ZNF793: variants seen among roughly 807,000 people sequenced by gnomAD.
The protein encoded by ZNF793 is zinc finger protein 793.
A neutral mutation model predicts 12.4 loss-of-function variants in ZNF793; 5 were observed. The observed-to-expected ratio is 0.40, with a 90% CI of 0.21 to 0.84. ZNF793 has a LOEUF of 0.84. Ranked by LOEUF, ZNF793 falls within the 40% of genes least tolerant of loss-of-function variation. The probability of loss-of-function intolerance (pLI) is 0.35; values close to 1 mark genes in which losing one functional copy is unlikely to be tolerated. For missense variants in ZNF793, 456 were observed against 495.0 expected, an observed-to-expected ratio of 0.92 and a Z score of 0.75; for synonymous variants, 162 against 172.4, an observed-to-expected ratio of 0.94 and a Z score of 0.47.
intron 2 of ZNF793, among the ~76,000 whole-genome samples, chr19:37,514,164 A>G (rs1158941822): frequency 6.6e-6 from 1 of 151,354 alleles, no homozygotes; most frequent in African/African-American, 2.5e-5. Flanking sequence ...GTGGCATGCA[A>G]AAGATTTTTT....
intron 2 of ZNF793, among the ~76,000 whole-genome samples, chr19:37,514,205 G>C (rs1214539800): frequency 6.6e-6 from 1 of 152,068 alleles, no homozygotes; most frequent in African/African-American, 2.4e-5. Context: ...TCCTTAAGAA[G>C]AGAAAATGAA....
At chr19:37,532,510 G>A in intron 6 of ZNF793, 28 bp downstream of exon 6, 1 of 1,539,552 alleles carries the variant, frequency 6.5e-7, no homozygotes. Flanking sequence ...ATACAATGCA[G>A]ATTATGTTCG....
intron 3 of ZNF793, among the ~76,000 whole-genome samples, chr19:37,521,058 G>C (rs2042371265): frequency 6.6e-6 from 1 of 150,658 alleles, no homozygotes; most frequent in African/African-American, 2.4e-5. Context: ...CACATTCTCG[G>C]CTCACTGCAA....
chr19:37,539,053 G>T lies in ZNF793; in HGVS notation c.*1174G>T, dbSNP rs1465136999. 4 of 152,174 alleles carry T rather than the reference G, an allele frequency of 2.6e-5. No individual in the cohort carries two copies. Among genetic ancestry groups the T allele is most frequent in the Admixed American group, 2.6e-4 (4 of 15,284 alleles). 9.4% of individuals were successfully genotyped at this position (152,174 alleles called of 1,614,324 possible). On this transcript the variant is annotated 3_prime_UTR_variant, in exon 8 of 8. Coordinates refer to ENST00000627814, the MANE Select transcript of ZNF793 (RefSeq NM_001013659.3). ...ATACATGTAAATGGCTATAGAGGTT[G>T]TTACTGTCCTCTGCAGAAATAATAA...
chr19:37,529,950 C>G (rs924020492), intron 5 of ZNF793, among the ~76,000 whole-genome samples: 2 of 151,484 alleles, frequency 1.3e-5, no homozygotes, highest in Non-Finnish European at 2.9e-5. Flanking sequence ...GAGGATCCCG[C>G]CAGCCTCTGA....
At position 37,537,338 on chromosome 19, in the gene ZNF793, A is replaced by C. The variant is rs2042514586; in HGVS notation, c.680A>C (p.His227Pro). Residue 227 changes from histidine to proline, a missense_variant, in exon 8 of 8, where the codon CAC becomes CCC. Coordinates refer to ENST00000627814, the MANE Select transcript of ZNF793 (RefSeq NM_001013659.3). ...RKRVPPTEKP[H>P]VCSECGKAFC... Reference sequence around the variant, plus strand: ...AGGGTTCCACCTACAGAAAAACCCCACGTCTGTAGTGAGTGTGGGAAAGCC... The same window carrying C: ...AGGGTTCCACCTACAGAAAAACCCCCCGTCTGTAGTGAGTGTGGGAAAGCC... 1 of 1,613,468 alleles carries C rather than the reference A, an allele frequency of 6.2e-7. No individual in the cohort carries two copies. The highest frequency in any genetic ancestry group is 8.5e-7 in the Non-Finnish European group (1 of 1,179,670).
intron 5 of ZNF793, among the ~76,000 whole-genome samples, chr19:37,531,768 C>G (rs1186180583): frequency 6.6e-6 from 1 of 152,176 alleles, no homozygotes; most frequent in Non-Finnish European, 1.5e-5. Context: ...ACATGTTGCT[C>G]TCTCTGTGCC....
intron 2 of ZNF793, among the ~76,000 whole-genome samples, chr19:37,517,189 A>G (rs888657532): frequency 3.3e-5 from 5 of 152,310 alleles, no homozygotes; most frequent in East Asian, 1.9e-4. Context: ...AAATTACTAG[A>G]CTAATTTTAC....
chr19:37,537,903 T>G lies in ZNF793; in HGVS notation c.*24T>G, dbSNP rs1395108956. 6 of 1,480,294 alleles carry G rather than the reference T, an allele frequency of 4.1e-6. No homozygotes were observed. The South Asian group carries it at 8.4e-5, about 21-fold the overall frequency. 91.7% of individuals were successfully genotyped at this position (1,480,294 alleles called of 1,614,324 possible). ...GAGCAAAATATCTGGTTTCATGGTA[T>G]GTAGGGAATTTTTTTTTTTTTTTTT... On this transcript the variant is annotated 3_prime_UTR_variant, in exon 8 of 8. Coordinates refer to ENST00000627814, the MANE Select transcript of ZNF793 (RefSeq NM_001013659.3).
At position 37,536,542 on chromosome 19, in the gene ZNF793, C is replaced by T. The variant is rs140531063; in HGVS notation, c.239-355C>T. ...TTATTAGAACACAACCACATTCTTA[C>T]GTTTACATGTTGTCTATATTTTCAT... On this transcript the variant is annotated intron_variant, in intron 7 of 7. Transcript: ENST00000627814. 3.4e-3 allele frequency: 1,373 copies of T among 409,266 alleles called. 2 individuals carry two copies. Among genetic ancestry groups the T allele is most frequent in the Non-Finnish European group, 4.8e-3 (1,116 of 232,534 alleles). 25.4% of individuals were successfully genotyped at this position (409,266 alleles called of 1,614,324 possible).
In ZNF793 at chr19:37,540,993, C is replaced by T. The variant is rs932354518; in HGVS notation, c.*3114C>T. 6.6e-6 allele frequency: 1 copy of T among 151,378 alleles called. No individual in the cohort carries two copies. The highest frequency in any genetic ancestry group is 1.5e-5 in the Non-Finnish European group (1 of 67,880). The allele number at this position is 151,378 out of a possible 1,614,324, so 9.4% of individuals were successfully genotyped here. On this transcript the variant is annotated 3_prime_UTR_variant, in exon 8 of 8. Transcript: ENST00000627814. ...TAATAATTAAAAATTTTTAAAATGC[C>T]ATGCTAGATACCAGAAGATAACATG...
At chr19:37,513,231 T>C (rs2042306870) in intron 2 of ZNF793, among the ~76,000 whole-genome samples, 1 of 152,204 alleles carries the variant, frequency 6.6e-6, no homozygotes, top group African/African-American at 2.4e-5. Context: ...TTTGAGATCA[T>C]GTAATTAACC....
At chr19:37,524,488 G>A (rs1262315424) in intron 5 of ZNF793, among the ~76,000 whole-genome samples, 1 of 152,158 alleles carries the variant, frequency 6.6e-6, no homozygotes, top group Non-Finnish European at 1.5e-5. Context: ...GTACAAAGTG[G>A]AGAGTCCAAG....
At chr19:37,529,288 T>C (rs60421942) in intron 5 of ZNF793, among the ~76,000 whole-genome samples, 401 of 152,274 alleles carry the variant, frequency 2.6e-3, no homozygotes, top group African/African-American at 9.4e-3. Flanking sequence ...CAGCGTTCCA[T>C]CTTTCTCTAA....
chr19:37,519,798 T>A (rs950575945), intron 2 of ZNF793, among the ~76,000 whole-genome samples: 3 of 152,202 alleles, frequency 2.0e-5, no homozygotes, highest in African/African-American at 7.2e-5. Context: ...ACAGATAGAC[T>A]AAGTAACTCA....
At chr19:37,533,888 T>G (rs2042482267) in intron 7 of ZNF793, 2 of 220,270 alleles carry the variant, frequency 9.1e-6, no homozygotes, top group Non-Finnish European at 1.8e-5. Context: ...CCACTGCTGA[T>G]TAACCCTCAG....
intron 2 of ZNF793, among the ~76,000 whole-genome samples, chr19:37,510,657 C>G (rs1262545170): frequency 2.7e-5 from 4 of 150,878 alleles, no homozygotes; most frequent in Admixed American, 2.0e-4. Context: ...GCACCCTAGC[C>G]TGGGTGACAG....
At chr19:37,529,036 C>T (rs1204335017) in intron 5 of ZNF793, among the ~76,000 whole-genome samples, 4 of 152,142 alleles carry the variant, frequency 2.6e-5, no homozygotes, top group East Asian at 1.9e-4. Context: ...CCAGGTGTGG[C>T]GCCATCATCA....
intron 2 of ZNF793, among the ~76,000 whole-genome samples, chr19:37,515,983 A>T (rs531621841): frequency 6.6e-6 from 1 of 150,412 alleles, no homozygotes; most frequent in Non-Finnish European, 1.5e-5. Context: ...AAAATAAGTA[A>T]CAAGAGGTAA....
Sources: gnomAD v4.1 joint callset for allele counts (sites outside exome capture counted in the v4.1 genomes callset) on GRCh38, gnomAD v4.1.1 for gene constraint, MANE v1.5 for transcripts, NCBI Gene and HGNC (gene_info 2026-07-23, HGNC 2026-07-21) for gene names.